EXOC4: variants seen among roughly 807,000 people sequenced by gnomAD.
The protein encoded by EXOC4 is SEC8-like 1.
A neutral mutation model predicts 107.2 loss-of-function variants in EXOC4; 71 were observed. That is an observed-to-expected ratio of 0.66 (90% CI 0.55 to 0.81). The LOEUF is 0.81. EXOC4 is among the 30% of genes least tolerant of loss of function. The pLI is 0.00. For missense variants in EXOC4, 1,108 were observed against 1,189.6 expected (o/e 0.93, Z 1.01); for synonymous variants, 456 against 441.2 (o/e 1.03, Z -0.42).
chr7:133,516,707 A>G (rs553689282), intron 9 of EXOC4, among the ~76,000 whole-genome samples: 13 of 107,180 alleles, frequency 1.2e-4, no homozygotes, highest in Non-Finnish European at 1.9e-4. Context: ...AGTCTGGATC[A>G]TATGGTCATT....
At chr7:134,049,909 A>G (rs1795744229) in intron 17 of EXOC4, among the ~76,000 whole-genome samples, 1 of 152,222 alleles carries the variant, frequency 6.6e-6, no homozygotes, top group Non-Finnish European at 1.5e-5. Flanking sequence ...CAAGGAGCCT[A>G]CAGTCTAGGT....
intron 7 of EXOC4, among the ~76,000 whole-genome samples, chr7:133,465,715 CA>C (rs569714910): frequency 6.6e-6 from 1 of 151,928 alleles, no homozygotes; most frequent in South Asian, 2.1e-4. Context: ...CAGAATTAAA[CA>C]AAAAAAGGGA....
At chr7:134,079,626 A>G in the EXOC4 span, among the ~76,000 whole-genome samples, 1 of 152,172 alleles carries the variant, frequency 6.6e-6, no homozygotes, top group Non-Finnish European at 1.5e-5. Context: ...GTCTTTAAGG[A>G]TGTCATTTCT....
At chr7:133,546,253 C>CT (rs368101148) in intron 9 of EXOC4, among the ~76,000 whole-genome samples, 14,412 of 119,286 alleles carry the variant, frequency 0.12, 1,368 homozygotes, top group East Asian at 0.23. Flanking sequence ...AGCTGGAAAA[C>CT]TTTTTTTTTT....
chr7:133,346,102 G>A (rs1419383797), intron 5 of EXOC4, among the ~76,000 whole-genome samples: 18 of 152,198 alleles, frequency 1.2e-4, no homozygotes, highest in Non-Finnish European at 1.5e-4. Flanking sequence ...TGAAGGAAAT[G>A]CTATTTAAGA....
intron 10 of EXOC4, among the ~76,000 whole-genome samples, chr7:133,753,080 A>C (rs1461170242): frequency 6.6e-6 from 1 of 152,180 alleles, no homozygotes; most frequent in Non-Finnish European, 1.5e-5. Flanking sequence ...TATTCTTGAT[A>C]TTTTTCTTCG....
At chr7:133,962,273 A>G (rs1274538409) in intron 14 of EXOC4, among the ~76,000 whole-genome samples, 2 of 152,182 alleles carry the variant, frequency 1.3e-5, no homozygotes, top group East Asian at 3.9e-4. Context: ...ACAGCTCTAA[A>G]TAGACAGTGA....
intron 10 of EXOC4, among the ~76,000 whole-genome samples, chr7:133,804,585 G>A (rs933000065): frequency 1.3e-5 from 2 of 152,118 alleles, no homozygotes; most frequent in African/African-American, 4.8e-5. Flanking sequence ...TAACCATGGA[G>A]CCAGTTTGTT....
intron 10 of EXOC4, among the ~76,000 whole-genome samples, chr7:133,755,695 A>G (rs1164525750): frequency 6.6e-6 from 1 of 152,044 alleles, no homozygotes; most frequent in Non-Finnish European, 1.5e-5. Context: ...ACCTAATTCC[A>G]TCTGCTGAAT....
chr7:133,825,155 GC>G (rs1466780671), intron 11 of EXOC4, among the ~76,000 whole-genome samples: 3 of 150,518 alleles, frequency 2.0e-5, no homozygotes, highest in Admixed American at 6.6e-5. Flanking sequence ...TTCGAGACCA[GC>G]CTAGGCAACA....
intron 14 of EXOC4, among the ~76,000 whole-genome samples, chr7:133,954,748 C>T (rs963825917): frequency 5.3e-5 from 8 of 152,190 alleles, no homozygotes; most frequent in African/African-American, 1.9e-4. Context: ...GGCCTGGATC[C>T]CATGCCTGTC....
chr7:133,295,095 A>G (rs1396917153), intron 3 of EXOC4, among the ~76,000 whole-genome samples: 1 of 152,108 alleles, frequency 6.6e-6, no homozygotes, highest in East Asian at 1.9e-4. Context: ...GTAGGAAATG[A>G]TATGATGATT....
intron 10 of EXOC4, among the ~76,000 whole-genome samples, chr7:133,778,454 T>G (rs1270604673): frequency 6.6e-6 from 1 of 152,122 alleles, no homozygotes; most frequent in Admixed American, 6.6e-5. Context: ...GGGCTTGGCG[T>G]GTGCCTGCAG....
chr7:134,054,282 C>G (rs1488912313), intron 17 of EXOC4, among the ~76,000 whole-genome samples: 3 of 152,082 alleles, frequency 2.0e-5, no homozygotes, highest in Admixed American at 2.0e-4. Context: ...CCCTTAACAC[C>G]CACCCCAACA....
At chr7:133,628,900 G>A (rs1266591975) in intron 9 of EXOC4, among the ~76,000 whole-genome samples, 2 of 152,160 alleles carry the variant, frequency 1.3e-5, no homozygotes, top group African/African-American at 2.4e-5. Flanking sequence ...TATCAGCAGC[G>A]TGGAATAAAA....
intron 10 of EXOC4, among the ~76,000 whole-genome samples, chr7:133,774,490 G>T (rs1796305637): frequency 6.6e-6 from 1 of 152,114 alleles, no homozygotes; most frequent in Admixed American, 6.6e-5. Flanking sequence ...GTTAACTCCA[G>T]TTGAGGTTAT....
chr7:134,096,180 A>T, the EXOC4 span, among the ~76,000 whole-genome samples: 2 of 152,204 alleles, frequency 1.3e-5, no homozygotes, highest in African/African-American at 4.8e-5. Flanking sequence ...TATATGAAAA[A>T]ATGTTCAACA....
intron 10 of EXOC4, among the ~76,000 whole-genome samples, chr7:133,774,829 C>T (rs1796312787): frequency 6.6e-6 from 1 of 152,086 alleles, no homozygotes. Context: ...GGATAATTCA[C>T]ATTGTCAATT....
intron 9 of EXOC4, among the ~76,000 whole-genome samples, chr7:133,488,574 T>C (rs1016082420): frequency 2.0e-5 from 3 of 152,078 alleles, no homozygotes; most frequent in African/African-American, 7.2e-5. Context: ...GGTGAGACAA[T>C]TGATCATGCA....
Sources: allele counts gnomAD v4.1 joint callset (sites outside exome capture counted in the v4.1 genomes callset), GRCh38; gene constraint gnomAD v4.1.1; transcripts MANE v1.5; gene names NCBI Gene and HGNC (gene_info 2026-07-23, HGNC 2026-07-21).